FRAS1: variants seen among roughly 807,000 people sequenced by gnomAD.
FRAS1 encodes Fraser extracellular matrix complex subunit 1, also known as extracellular matrix organizing protein FRAS1.
FRAS1 carries 290 observed loss-of-function variants against 435.2 expected under a neutral mutation model. That is an observed-to-expected ratio of 0.67 (90% CI 0.61 to 0.73). The LOEUF is 0.73. Among genes scored for constraint, FRAS1 ranks in the 30% least tolerant of loss-of-function variants. The probability of loss-of-function intolerance (pLI) is 0.00; values close to 1 mark genes in which losing one functional copy is unlikely to be tolerated. For synonymous variants in FRAS1, 1,800 were observed against 1,851.0 expected (o/e 0.97, Z 0.71); for missense variants, 4,860 against 5,001.5 (o/e 0.97, Z 0.85).
chr4:78,509,689 A>G (rs556486241), intron 63 of FRAS1, among the ~76,000 whole-genome samples: 2 of 152,346 alleles, frequency 1.3e-5, no homozygotes, highest in Admixed American at 1.3e-4. Flanking sequence ...AATGAATAGT[A>G]TGTTTTCCCA....
At chr4:78,298,582 C>T (rs931937053) in intron 14 of FRAS1, among the ~76,000 whole-genome samples, 1 of 152,068 alleles carries the variant, frequency 6.6e-6, no homozygotes, top group African/African-American at 2.4e-5. Flanking sequence ...ATAGATGCAG[C>T]GTCAGTATTT....
chr4:78,490,764 A>C (rs565844514), intron 59 of FRAS1, among the ~76,000 whole-genome samples: 7 of 152,220 alleles, frequency 4.6e-5, no homozygotes, highest in Admixed American at 4.6e-4. Context: ...AAGAGCAAAC[A>C]AATTCAAAAG....
intron 4 of FRAS1, among the ~76,000 whole-genome samples, chr4:78,250,561 G>A (rs1725485848): frequency 6.6e-6 from 1 of 152,148 alleles, no homozygotes; most frequent in East Asian, 1.9e-4. Context: ...GTAGGTCAAG[G>A]CATCTAAAGA....
At chr4:78,221,813 AC>A (rs776321015) in intron 2 of FRAS1, among the ~76,000 whole-genome samples, 17 of 152,098 alleles carry the variant, frequency 1.1e-4, no homozygotes, top group Non-Finnish European at 2.1e-4. Context: ...AGGTCACAAC[AC>A]CCCTGTAAGT....
chr4:78,333,277 C>T lies in FRAS1; in HGVS notation c.2143C>T (p.His715Tyr), dbSNP rs1016304801. 6.2e-7 allele frequency: 1 copy of T among 1,604,440 alleles called. No individual in the cohort carries two copies. The highest frequency in any genetic ancestry group is 1.3e-5 in the African/African-American group (1 of 74,674). The change falls in exon 19 of 74, where the codon CAC becomes TAC. Residue 715 changes from histidine to tyrosine, a missense_variant. Transcript: ENST00000512123. ...LESTGICEAC[H>Y]QSCFRCAGKS... is the part of the protein sequence containing the mutation. Reference sequence around the variant, plus strand: ...TTGCTTTATCTTTCCCCCAGCTTGCCACCAGTCCTGTTTCAGATGTGCAGG... The same window carrying T: ...TTGCTTTATCTTTCCCCCAGCTTGCTACCAGTCCTGTTTCAGATGTGCAGG...
intron 2 of FRAS1, among the ~76,000 whole-genome samples, chr4:78,203,943 G>A (rs973925951): frequency 5.9e-5 from 9 of 152,088 alleles, no homozygotes; most frequent in Admixed American, 2.0e-4. Flanking sequence ...ATCTTTGTTA[G>A]TGATCTTACT....
At chr4:78,341,887 T>C (rs1226968035) in intron 20 of FRAS1, among the ~76,000 whole-genome samples, 1 of 152,196 alleles carries the variant, frequency 6.6e-6, no homozygotes, top group Non-Finnish European at 1.5e-5. Context: ...GGTTTCTTAC[T>C]CTAGCTACTA....
In FRAS1 at chr4:78,422,425, A is replaced by G. The variant is rs527517501; in HGVS notation, c.4678+425A>G. Among the ~76,000 whole-genome samples, 24 of 152,274 alleles carry G rather than the reference A, an allele frequency of 1.6e-4. No homozygotes were observed. In the South Asian group the frequency reaches 4.8e-3, roughly 30 times the overall value. Reference sequence around the variant, plus strand: ...GGAGAAAGATTAGCGGTGGAATTACACATAATCAGACTGACCTAGACTGAG... The same window carrying G: ...GGAGAAAGATTAGCGGTGGAATTACGCATAATCAGACTGACCTAGACTGAG... On this transcript the variant is annotated intron_variant, in intron 34 of 73. Coordinates refer to ENST00000512123, the MANE Select transcript of FRAS1 (RefSeq NM_025074.7).
At chr4:78,205,361 C>G (rs1723213682) in intron 2 of FRAS1, among the ~76,000 whole-genome samples, 1 of 152,000 alleles carries the variant, frequency 6.6e-6, no homozygotes, top group South Asian at 2.1e-4. Context: ...GCCACTACAC[C>G]CAGCTAATTT....
Position 78,532,156 on chromosome 4 carries a change from C to G in FRAS1, c.10926-2293C>G, listed in dbSNP as rs560636743. ...AGGTAAGGCTAAATGGGATCTGGTC[C>G]CAAGTTACCTCTGTGATCTTATCTC... On this transcript the variant is annotated intron_variant, in intron 70 of 73. Transcript: ENST00000512123. Among the ~76,000 whole-genome samples, 4 of 152,260 alleles carry G rather than the reference C, an allele frequency of 2.6e-5. No homozygotes were observed. In the South Asian group the frequency reaches 8.3e-4, roughly 32 times the overall value.
intron 14 of FRAS1, among the ~76,000 whole-genome samples, chr4:78,298,030 C>CTCTCTCTCTCTCTCTCTCTA (rs1253600018): frequency 9.6e-6 from 1 of 104,084 alleles, no homozygotes; most frequent in African/African-American, 3.3e-5. Context: ...CTCTCTCTCT[C>CTCTCTCTCTCTCTCTCTCTA]TATATATATA....
chr4:78,321,538 G>A (rs1578251242), intron 18 of FRAS1, among the ~76,000 whole-genome samples: 1 of 152,080 alleles, frequency 6.6e-6, no homozygotes, highest in Non-Finnish European at 1.5e-5. Context: ...CTTTATACAG[G>A]CACCTTTAAA....
chr4:78,498,956 T>C (rs1720594731), intron 60 of FRAS1, among the ~76,000 whole-genome samples: 1 of 152,124 alleles, frequency 6.6e-6, no homozygotes, highest in African/African-American at 2.4e-5. Flanking sequence ...CAAGTGACTC[T>C]CCCACCTCAA....
At position 78,245,231 on chromosome 4, in the gene FRAS1, A is replaced by G. The variant is rs1247401618; in HGVS notation, c.217-2A>G. Reference sequence around the variant, plus strand: ...TACTTTGAGCTGCTTTTAAATGCTCAGGGAGAAGTGCTTCAAATAGCTGCC... The same window carrying G: ...TACTTTGAGCTGCTTTTAAATGCTCGGGGAGAAGTGCTTCAAATAGCTGCC... On this transcript the variant is annotated splice_acceptor_variant, in intron 3 of 73. Coordinates refer to ENST00000512123, the MANE Select transcript of FRAS1 (RefSeq NM_025074.7). LOFTEE classifies it high-confidence loss of function. The G allele has an allele frequency of 1.9e-6, 3 of 1,600,312 alleles. No homozygotes were observed. The highest frequency in any genetic ancestry group is 1.7e-5 in the Admixed American group (1 of 58,444).
chr4:78,445,794 A>T, intron 42 of FRAS1, 82 bp downstream of exon 42: 2 of 1,481,022 alleles, frequency 1.4e-6, no homozygotes, highest in Non-Finnish European at 9.0e-7. Context: ...ATAGGGACTC[A>T]AAAGCAAAGA....
intron 2 of FRAS1, among the ~76,000 whole-genome samples, chr4:78,096,912 T>G (rs57165692): frequency 0.061 from 9,347 of 152,292 alleles, 777 homozygotes; most frequent in African/African-American, 0.19. Flanking sequence ...GCAGCTGGCT[T>G]GAATTTCTCC....
intron 2 of FRAS1, among the ~76,000 whole-genome samples, chr4:78,193,257 G>A (rs948123029): frequency 3.3e-5 from 5 of 152,122 alleles, no homozygotes; most frequent in Non-Finnish European, 7.4e-5. Context: ...GTTGATTTGG[G>A]GTGGAGAGTT....
chr4:78,461,133 A>G (rs1560740886), intron 47 of FRAS1, among the ~76,000 whole-genome samples: 3 of 152,234 alleles, frequency 2.0e-5, no homozygotes, highest in African/African-American at 2.4e-5. Flanking sequence ...GACAAGAAAG[A>G]GGATATAGCC....
intron 9 of FRAS1, among the ~76,000 whole-genome samples, chr4:78,275,603 G>A (rs1422197695): frequency 6.6e-6 from 1 of 152,130 alleles, no homozygotes; most frequent in Non-Finnish European, 1.5e-5. Flanking sequence ...TGAAATTCTG[G>A]GTTGAGAATT....
Sources: allele counts gnomAD v4.1 joint callset (sites outside exome capture counted in the v4.1 genomes callset), GRCh38; gene constraint gnomAD v4.1.1; transcripts MANE v1.5; gene names NCBI Gene and HGNC (gene_info 2026-07-23, HGNC 2026-07-21).